The following ERCC5 variants were observed in gnomAD, a reference collection of about 807,000 sequenced individuals.
ERCC5 encodes the protein ERCC excision repair 5, endonuclease.
Under a neutral mutation model 105.6 loss-of-function variants are expected in ERCC5, and 68 were observed. The observed-to-expected ratio is 0.64, with a 90% CI of 0.53 to 0.79. The LOEUF (loss-of-function observed/expected upper bound fraction) is 0.79. ERCC5 is among the 30% of genes least tolerant of loss of function. ERCC5 has a pLI of 0.00. For missense variants in ERCC5, 1,373 were observed against 1,426.7 expected (o/e 0.96, Z 0.61); for synonymous variants, 546 against 526.2 (o/e 1.04, Z -0.51).
chr13:102,851,235 C>A (rs1435563363), intron 1 of ERCC5, among the ~76,000 whole-genome samples: 2 of 152,184 alleles, frequency 1.3e-5, no homozygotes, highest in African/African-American at 4.8e-5. Context: ...CCTTATCACA[C>A]ATGCTCCTGC....
At chr13:102,862,009 A>G in intron 7 of ERCC5, 21 bp from the exon 8 acceptor site, 1 of 1,613,528 alleles carries the variant, frequency 6.2e-7, no homozygotes, top group South Asian at 1.1e-5. Context: ...AATGGTGAGA[A>G]GTGTTTTAAT....
chr13:102,851,932 CAA>C (rs894695780), intron 1 of ERCC5, among the ~76,000 whole-genome samples, 184 bp from the exon 2 acceptor site: 3 of 151,974 alleles, frequency 2.0e-5, no homozygotes, highest in Non-Finnish European at 4.4e-5. Flanking sequence ...ATAGGGGTAA[CAA>C]GAGTTCAACT....
chr13:102,874,732 C>G (rs572155838), intron 14 of ERCC5: 1 of 152,786 alleles, frequency 6.5e-6, no homozygotes, highest in East Asian at 1.9e-4. Context: ...ACCGTGTAAG[C>G]CAGAATGGTC....
rs1397787523 is a variant in ERCC5, at chr13:102,875,348, G to A, written c.3006G>A (p.Gln1002=). 4 of 1,613,818 alleles carry A rather than the reference G, an allele frequency of 2.5e-6. No individual in the cohort carries two copies. The highest frequency in any genetic ancestry group is 2.7e-5 in the African/African-American group (2 of 74,850). ...ATTCCTTCTTTAGATTAGCACAACA[G>A]GAGAAAGAAGATGCTAAACGTATTA... ...RIDSFFRLAQ[Q]EKEDAKRIKS... is the part of the protein sequence containing the mutation. The change falls in exon 15 of 15, where the codon CAG becomes CAA. Residue 1002 remains glutamine, a synonymous_variant. Transcript: ENST00000652225.
chr13:102,856,139 A>C, intron 5 of ERCC5, 27 bp downstream of exon 5: 3 of 1,594,428 alleles, frequency 1.9e-6, no homozygotes, highest in Non-Finnish European at 2.6e-6. Flanking sequence ...TGAATTCAGA[A>C]TGTATTCTGT....
At chr13:102,861,280 C>A (rs1436046339) in intron 6 of ERCC5, among the ~76,000 whole-genome samples, 1 of 152,080 alleles carries the variant, frequency 6.6e-6, no homozygotes, top group Non-Finnish European at 1.5e-5. Context: ...TGAGCCACCG[C>A]ACCTGGCCAT....
chr13:102,874,769 C>G (rs1442981197), intron 14 of ERCC5: 2 of 154,270 alleles, frequency 1.3e-5, no homozygotes, highest in African/African-American at 4.8e-5. Context: ...ATCCACCCAC[C>G]TCGGCCTCCC....
chr13:102,846,149 T>C lies in ERCC5; in HGVS notation c.-118T>C, dbSNP rs1306211619. ...ACCGTGGCTTCTGTATTATTTGCCA[T>C]CTTTGTTGTGTAGGAGCAGGGAGGG... On this transcript the variant is annotated 5_prime_UTR_variant, in exon 1 of 15. Coordinates refer to ENST00000652225, the MANE Select transcript of ERCC5 (RefSeq NM_000123.4). The C allele has an allele frequency of 1.5e-5, 12 of 780,156 alleles. No individual in the cohort carries two copies. Among genetic ancestry groups the C allele is most frequent in the Non-Finnish European group, 2.6e-5 (12 of 465,294 alleles). 48.3% of individuals were successfully genotyped at this position (780,156 alleles called of 1,614,324 possible). A position where few individuals can be genotyped will look rare whatever the true frequency, so the allele number is the denominator to read the frequency against.
chr13:102,851,980 C>A, intron 1 of ERCC5, 138 bp from the exon 2 acceptor site: 1 of 1,003,732 alleles, frequency 1.0e-6, no homozygotes, highest in Non-Finnish European at 1.5e-6. Context: ...CCCATGAGAG[C>A]TAAATGTTTT....
At chr13:102,873,153 C>T in intron 13 of ERCC5, 106 bp from the exon 14 acceptor site, 1 of 1,354,232 alleles carries the variant, frequency 7.4e-7, no homozygotes, top group Non-Finnish European at 1.0e-6. Context: ...ATAGGAAAAT[C>T]TTAGGAGATA....
intron 1 of ERCC5, among the ~76,000 whole-genome samples, chr13:102,851,457 G>T (rs1015305358): frequency 1.3e-5 from 2 of 152,066 alleles, no homozygotes; most frequent in African/African-American, 2.4e-5. Context: ...ACCATGCCCA[G>T]CCAATTTTTG....
intron 13 of ERCC5, 45 bp downstream of exon 13, chr13:102,872,443 T>C (rs752658234): frequency 1.1e-5 from 17 of 1,604,764 alleles, no homozygotes; most frequent in Non-Finnish European, 1.4e-5. Context: ...TTGTCAAATA[T>C]GTGTTTGGTT....
At chr13:102,856,731 C>G (rs985660423) in intron 5 of ERCC5, among the ~76,000 whole-genome samples, 11 of 152,322 alleles carry the variant, frequency 7.2e-5, no homozygotes, top group African/African-American at 2.2e-4. Context: ...ACGAGGTTTC[C>G]TTGCTGCCAT....
rs987061901 is a variant in ERCC5 at position 102,865,474 on chromosome 13, T to C, written c.1955-193T>C. ...GCCAGTTTACCTAATTGAAAAGGCTTGTTTTGAAGTTACAGGCATTTGTGA... is the reference window on the plus strand; with the variant it reads ...GCCAGTTTACCTAATTGAAAAGGCTCGTTTTGAAGTTACAGGCATTTGTGA... On this transcript the variant is annotated intron_variant, in intron 8 of 14. Transcript: ENST00000652225. This position sits in a 1 kb window ranked among gnomAD's most constrained non-coding sequence, Gnocchi z 4.0. The C allele has an allele frequency of 1.4e-6, 1 of 713,994 alleles. No homozygotes were observed. The highest frequency in any genetic ancestry group is 3.1e-5 in the East Asian group (1 of 32,128). 44.2% of individuals were successfully genotyped at this position (713,994 alleles called of 1,614,324 possible).
Position 102,865,749 on chromosome 13 carries a change from A to G in ERCC5, c.2037A>G (p.Glu679=). Residue 679 remains glutamate, a synonymous_variant, in exon 9 of 15, where the codon GAA becomes GAG. Coordinates refer to ENST00000652225, the MANE Select transcript of ERCC5 (RefSeq NM_000123.4). The surrounding 1 kb of genome is among the most constrained non-coding windows in gnomAD (Gnocchi z 4.0). The stretch of plus-strand genomic sequence containing the variant: ...CTGAAACTTCCAAACCTCCCTCAGA[A>G]CAAGGCGAAGAGGAACTGGTAGGAA... ...EFPETSKPPS[E]QGEEELVGTR... is the part of the protein sequence containing the mutation. 6.2e-7 allele frequency: 1 copy of G among 1,614,042 alleles called. No individual in the cohort carries two copies. The highest frequency in any genetic ancestry group is 2.2e-5 in the East Asian group (1 of 44,868).
Position 102,854,154 on chromosome 13 carries a change from C to T in ERCC5, c.381-134C>T, listed in dbSNP as rs919090020. ...CTTCTTGACTCTAGGTGAGCAGCCC[C>T]GCCAAGGTTCCTTCCTTTCTCTCGG... On this transcript the variant is annotated intron_variant, in intron 3 of 14. Transcript: ENST00000652225. 4.6e-5 allele frequency: 44 copies of T among 962,796 alleles called. No individual in the cohort carries two copies. In the Middle Eastern group the frequency reaches 8.8e-4, roughly 19 times the overall value. 59.6% of individuals were successfully genotyped at this position (962,796 alleles called of 1,614,324 possible).
intron 6 of ERCC5, 121 bp downstream of exon 6, chr13:102,858,539 A>T: frequency 7.3e-7 from 1 of 1,362,546 alleles, no homozygotes; most frequent in Non-Finnish European, 1.0e-6. Flanking sequence ...AGTAAACAGC[A>T]TTTCTACATC....
intron 1 of ERCC5, 62 bp downstream of exon 1, chr13:102,846,416 G>T: frequency 6.9e-7 from 1 of 1,454,554 alleles, no homozygotes; most frequent in African/African-American, 1.4e-5. Flanking sequence ...TCCTCGCGGG[G>T]CTCTGCCTTG....
rs778806149 is a variant in ERCC5 at position 102,858,331 on chromosome 13, C to A, written c.585C>A (p.Ser195Arg). 3 of 1,613,992 alleles carry A rather than the reference C, an allele frequency of 1.9e-6. No homozygotes were observed. The Admixed American group carries it at 5.0e-5, about 27-fold the overall frequency. The change falls in exon 6 of 15, where the codon AGC becomes AGA. Residue 195 changes from serine to arginine, a missense_variant. Ser to Arg is a moderately radical substitution (Grantham distance 110, BLOSUM62 -1). Coordinates refer to ENST00000652225, the MANE Select transcript of ERCC5 (RefSeq NM_000123.4). The part of the protein sequence containing the change: ...AIDIESEDFS[S>R]LPPEVKHEIL... ...ATATTGAGTCTGAGGACTTCAGCAG[C>A]CTGCCCCCTGAAGTAAAGCATGAAA...
Sources: gnomAD v4.1 joint callset for allele counts (sites outside exome capture counted in the v4.1 genomes callset) on GRCh38, gnomAD v4.1.1 for gene constraint, Gnocchi (gnomAD v3.1) non-coding constraint, MANE v1.5 for transcripts, NCBI Gene and HGNC (gene_info 2026-07-23, HGNC 2026-07-21) for gene names.